Variants in ZNF235 observed in about 807,000 individuals in gnomAD.
The protein encoded by ZNF235 is zinc finger protein 235.
A neutral mutation model predicts 29.4 loss-of-function variants in ZNF235; 25 were observed. The ratio of observed to expected loss-of-function variants is 0.85; its 90% confidence interval spans 0.62 to 1.19. The LOEUF is 1.19. Among genes scored for constraint, ZNF235 ranks in the 50% most tolerant of loss-of-function variants. The probability of loss-of-function intolerance (pLI) is 0.00; values close to 1 mark genes in which losing one functional copy is unlikely to be tolerated. For missense variants in ZNF235, 788 were observed against 885.0 expected, an observed-to-expected ratio of 0.89 and a Z score of 1.39; for synonymous variants, 300 against 295.3, an observed-to-expected ratio of 1.02 and a Z score of -0.16.
Position 44,287,372 on chromosome 19 carries a change from C to A in ZNF235, c.2063G>T (p.Cys688Phe), listed in dbSNP as rs748900714. 1.9e-6 allele frequency: 3 copies of A among 1,614,136 alleles called. No homozygotes were observed. The highest frequency in any genetic ancestry group is 2.5e-6 in the Non-Finnish European group (3 of 1,180,010). The part of the protein sequence containing the change: ...TGEKPYTCQQ[C>F]GKGFSQASHF... ...TGAGGCCTGACTGAAGCCCTTCCCACACTGCTGACACGTATAGGGTTTCTC... is the reference window on the plus strand; with the variant it reads ...TGAGGCCTGACTGAAGCCCTTCCCAAACTGCTGACACGTATAGGGTTTCTC... Residue 688 changes from cysteine (C) to phenylalanine (F), a missense_variant, in exon 5 of 5, where the codon TGT becomes TTT. Physicochemically the swap from Cys to Phe is radical, Grantham distance 205. Coordinates refer to ENST00000291182, the MANE Select transcript of ZNF235 (RefSeq NM_004234.4).
intron 2 of ZNF235, among the ~76,000 whole-genome samples, chr19:44,302,295 T>C (rs780967524): frequency 2.0e-5 from 3 of 152,074 alleles, no homozygotes; most frequent in African/African-American, 7.2e-5. Context: ...GCAAAATTCA[T>C]AGATTACATA....
Position 44,287,952 on chromosome 19 carries a change from C to A in ZNF235, c.1483G>T (p.Gly495Cys). The A allele has an allele frequency of 6.2e-7, 1 of 1,614,040 alleles. No homozygotes were observed. The highest frequency in any genetic ancestry group is 1.6e-4 in the Middle Eastern group (1 of 6,062). The change falls in exon 5 of 5, where the codon GGT becomes TGT. Residue 495 changes from glycine to cysteine, a missense_variant. Transcript: ENST00000291182. The part of the protein sequence containing the change: ...KPYKCEECGK[G>C]FSSASSFQSH... ...TGGAAACTTGAGGCTGAACTAAAAC[C>A]CTTACCACACTCTTCACATTTATAT...
At chr19:44,304,491 G>C (rs1286033287) in intron 1 of ZNF235, among the ~76,000 whole-genome samples, 1 of 152,222 alleles carries the variant, frequency 6.6e-6, no homozygotes, top group South Asian at 2.1e-4. Flanking sequence ...TCCGTAGCTG[G>C]ATCTCCTAGA....
In ZNF235 at chr19:44,287,993, T is replaced by C; in HGVS notation, c.1442A>G (p.His481Arg). The change falls in exon 5 of 5, where the codon CAC (histidine) becomes CGC (arginine). Residue 481 changes from histidine (H) to arginine (R), a missense_variant. Coordinates refer to ENST00000291182, the MANE Select transcript of ZNF235 (RefSeq NM_004234.4). ...SFNLHSHQRV[H>R]TGEKPYKCEE... is the part of the protein sequence containing the mutation. ...ACATTTATATGGTTTTTCTCCTGTG[T>C]GGACTCGTTGATGACTATGAAGATT... is the stretch of plus-strand genomic sequence containing the variant. The C allele has an allele frequency of 1.2e-6, 2 of 1,614,214 alleles. No individual in the cohort carries two copies. Among genetic ancestry groups the C allele is most frequent in the Non-Finnish European group, 1.7e-6 (2 of 1,180,034 alleles).
chr19:44,292,916 A>G (rs1975604265), intron 4 of ZNF235, among the ~76,000 whole-genome samples: 2 of 152,088 alleles, frequency 1.3e-5, no homozygotes, highest in Admixed American at 1.3e-4. Context: ...GCCAGAAGAG[A>G]TTGGATTCTA....
chr19:44,302,578 AG>A (rs1422341471), intron 2 of ZNF235, among the ~76,000 whole-genome samples: 2 of 151,434 alleles, frequency 1.3e-5, no homozygotes, highest in East Asian at 1.9e-4. Flanking sequence ...TGGGAAACAC[AG>A]GAACACCCCA....
chr19:44,303,788 T>C (rs1409050276), intron 1 of ZNF235, among the ~76,000 whole-genome samples: 1 of 152,222 alleles, frequency 6.6e-6, no homozygotes, highest in African/African-American at 2.4e-5. Context: ...TTCTACCTAT[T>C]TTCAACTGAT....
At position 44,304,977 on chromosome 19, in the gene ZNF235, G is replaced by T; in HGVS notation, c.-55C>A. ...AGACCCGGAGCTGACTCACCTCCCT[G>T]GGAGATATCTCAGATCCGACCTCGC... On this transcript the variant is annotated 5_prime_UTR_variant, in exon 1 of 5. Transcript: ENST00000291182. The T allele has an allele frequency of 5.1e-6, 5 of 980,904 alleles. No individual in the cohort carries two copies. The highest frequency in any genetic ancestry group is 4.8e-6 in the Non-Finnish European group (4 of 825,816). The allele number at this position is 980,904 out of a possible 1,614,324, so 60.8% of individuals were successfully genotyped here. A position where few individuals can be genotyped will look rare whatever the true frequency, so the allele number is the denominator to read the frequency against.
At chr19:44,300,162 TTGAC>T (rs1438307677) in intron 2 of ZNF235, among the ~76,000 whole-genome samples, 1 of 152,136 alleles carries the variant, frequency 6.6e-6, no homozygotes, top group Non-Finnish European at 1.5e-5. Context: ...GCTCTGGAGT[TTGAC>T]TGCCTTAGTT....
chr19:44,293,647 T>G (rs1975615034), intron 4 of ZNF235, among the ~76,000 whole-genome samples: 1 of 152,078 alleles, frequency 6.6e-6, no homozygotes, highest in African/African-American at 2.4e-5. Context: ...TGGAGCATTC[T>G]CCAAGATAGA....
intron 1 of ZNF235, among the ~76,000 whole-genome samples, chr19:44,304,051 T>C (rs1284131376): frequency 6.6e-6 from 1 of 152,212 alleles, no homozygotes; most frequent in East Asian, 1.9e-4. Context: ...TAACTGTGAT[T>C]GGTTGTCTAA....
rs1568643535 is a variant in ZNF235, at chr19:44,289,041, G to A, written c.394C>T (p.Gln132Ter). ...SMINIEGKSS[Q>*]FPKHHDSPCQ... ...GGGGAATCATGGTGCTTGGGGAACTGAGAGCTCTTTCCTTCAATATTTATC... is the reference window on the plus strand; with the variant it reads ...GGGGAATCATGGTGCTTGGGGAACTAAGAGCTCTTTCCTTCAATATTTATC... Residue 132 changes from glutamine to a stop codon, truncating the protein, a stop_gained, in exon 5 of 5, where the codon CAG (glutamine) becomes TAG (stop). Transcript: ENST00000291182. LOFTEE classifies it low-confidence loss of function (END_TRUNC). 6.2e-7 allele frequency: 1 copy of A among 1,614,108 alleles called. No homozygotes were observed. The highest frequency in any genetic ancestry group is 1.3e-5 in the African/African-American group (1 of 75,038).
chr19:44,303,587 G>T (rs1448804375), intron 1 of ZNF235, 135 bp from the exon 2 acceptor site: 4 of 650,380 alleles, frequency 6.2e-6, no homozygotes, highest in Non-Finnish European at 9.8e-6. Flanking sequence ...GAGGAGAACG[G>T]GAGCTAGCTC....
At position 44,298,873 on chromosome 19, in the gene ZNF235, G is replaced by A. The variant is rs770383833; in HGVS notation, c.173C>T (p.Ser58Phe). Residue 58 changes from serine to phenylalanine, a missense_variant, in exon 4 of 5, where the codon TCC becomes TTC. Transcript: ENST00000291182. The part of the protein sequence containing the change: ...GHQSFKPDMI[S>F]QLEREEKLWM... ...AAGCTTTTCTTCCCTCTCCAACTGGGATATCATATCTGGTTTGAAGGACTG... is the reference window on the plus strand; with the variant it reads ...AAGCTTTTCTTCCCTCTCCAACTGGAATATCATATCTGGTTTGAAGGACTG... 6.2e-7 allele frequency: 1 copy of A among 1,613,888 alleles called. No individual in the cohort carries two copies. The highest frequency in any genetic ancestry group is 1.7e-5 in the Admixed American group (1 of 60,018).
At chr19:44,290,838 A>C (rs1975576275) in intron 4 of ZNF235, 1 of 153,112 alleles carries the variant, frequency 6.5e-6, no homozygotes, top group Non-Finnish European at 1.5e-5. Context: ...CAGCCCACTG[A>C]CCGTCGCTTC....
chr19:44,300,855 A>C (rs1487376328), intron 2 of ZNF235, among the ~76,000 whole-genome samples: 2 of 152,074 alleles, frequency 1.3e-5, no homozygotes, highest in African/African-American at 4.8e-5. Flanking sequence ...AAAAAAAAAA[A>C]AAAAGGTAAG....
chr19:44,303,305 T>C lies in ZNF235; in HGVS notation c.15+85A>G. 2.0e-6 allele frequency: 3 copies of C among 1,477,424 alleles called. 1 individual carries two copies. Among genetic ancestry groups the C allele is most frequent in the South Asian group, 2.3e-5 (2 of 87,742 alleles). 91.5% of individuals were successfully genotyped at this position (1,477,424 alleles called of 1,614,324 possible). A position where few individuals can be genotyped will look rare whatever the true frequency, so the allele number is the denominator to read the frequency against. On this transcript the variant is annotated intron_variant, in intron 2 of 4. Coordinates refer to ENST00000291182, the MANE Select transcript of ZNF235 (RefSeq NM_004234.4). Reference sequence around the variant, plus strand: ...CATTCCAAGTGCCTTTCGTTCCCTTTTACTGTTCCCAAACAGGAAAAATGT... The same window carrying C: ...CATTCCAAGTGCCTTTCGTTCCCTTCTACTGTTCCCAAACAGGAAAAATGT...
chr19:44,304,445 C>G (rs1409980614), intron 1 of ZNF235, among the ~76,000 whole-genome samples: 1 of 152,126 alleles, frequency 6.6e-6, no homozygotes, highest in Non-Finnish European at 1.5e-5. Flanking sequence ...CAGGAACGGC[C>G]CCACATCAGG....
chr19:44,297,552 C>T (rs1409800614), intron 4 of ZNF235, among the ~76,000 whole-genome samples: 2 of 152,154 alleles, frequency 1.3e-5, no homozygotes, highest in Non-Finnish European at 1.5e-5. Context: ...CAACCTCTGC[C>T]TCCTGGGTTC....
Sources: allele counts gnomAD v4.1 joint callset (sites outside exome capture counted in the v4.1 genomes callset), GRCh38; gene constraint gnomAD v4.1.1; transcripts MANE v1.5; gene names NCBI Gene and HGNC (gene_info 2026-07-23, HGNC 2026-07-21).